Variants in LRCH2 observed in about 807,000 individuals in gnomAD.
The protein encoded by LRCH2 is leucine rich repeats and calponin homology domain containing 2.
A neutral mutation model predicts 68.9 loss-of-function variants in LRCH2; 38 were observed. The ratio of observed to expected loss-of-function variants is 0.55; its 90% CI spans 0.43 to 0.72. The LOEUF is 0.72. Ranked by LOEUF, LRCH2 falls within the 30% of genes least tolerant of loss-of-function variation. The probability of loss-of-function intolerance (pLI) is 0.00; values close to 1 mark genes in which losing one functional copy is unlikely to be tolerated. For synonymous variants in LRCH2, 191 were observed against 208.1 expected (o/e 0.92, Z 0.71); for missense variants, 528 against 572.9 (o/e 0.92, Z 0.80).
intron 1 of LRCH2, among the ~76,000 whole-genome samples, chrX:115,216,352 G>A (rs370324036): frequency 2.7e-5 from 3 of 112,189 alleles, no homozygotes; most frequent in South Asian, 3.7e-4. Context: ...GTTTATTCAA[G>A]GTTGCTGGAA....
intron 12 of LRCH2, among the ~76,000 whole-genome samples, chrX:115,151,484 T>A (rs1374057954): frequency 9.1e-6 from 1 of 109,937 alleles, no homozygotes; most frequent in Non-Finnish European, 1.9e-5. Context: ...AAATGAAAAA[T>A]TAAAAGATTT....
intron 5 of LRCH2, among the ~76,000 whole-genome samples, chrX:115,177,386 A>G (rs782203512): frequency 1.8e-5 from 2 of 111,309 alleles, no homozygotes; most frequent in East Asian, 5.7e-4. Context: ...GTATATAGAT[A>G]GGTCTCTTCT....
At chrX:115,210,546 C>A (rs897986555) in intron 1 of LRCH2, among the ~76,000 whole-genome samples, 2 of 112,225 alleles carry the variant, frequency 1.8e-5, no homozygotes, top group Non-Finnish European at 3.8e-5. Context: ...TCATGGACAA[C>A]CTGTGCTAGG....
At chrX:115,224,578 G>A (rs1603105938) in intron 1 of LRCH2, among the ~76,000 whole-genome samples, 1 of 108,939 alleles carries the variant, frequency 9.2e-6, no homozygotes, top group Non-Finnish European at 1.9e-5. Flanking sequence ...CAGCTACTCG[G>A]GAGGCTGAGG....
Position 115,111,006 on chromosome X carries a change from A to T in LRCH2, c.*2210T>A, listed in dbSNP as rs1199420429. 2.7e-5 allele frequency: 3 copies of T among 112,047 alleles called. No homozygotes were observed. Among genetic ancestry groups the T allele is most frequent in the African/African-American group, 9.7e-5 (3 of 30,858 alleles). The allele number at this position is 112,047 out of a possible 1,213,427, so 9.2% of individuals were successfully genotyped here. Reference sequence around the variant, plus strand: ...ATCATTCTTAATTCAATAACTGATGAAATAGATAATAGCCATAAAAACATT... The same window carrying T: ...ATCATTCTTAATTCAATAACTGATGTAATAGATAATAGCCATAAAAACATT... On this transcript the variant is annotated 3_prime_UTR_variant, in exon 21 of 21. Coordinates refer to ENST00000317135, the MANE Select transcript of LRCH2 (RefSeq NM_020871.4).
chrX:115,174,749 G>A (rs944905016), intron 5 of LRCH2, among the ~76,000 whole-genome samples: 20 of 110,835 alleles, frequency 1.8e-4, no homozygotes, highest in African/African-American at 6.6e-4. Context: ...CATTTCCTTC[G>A]GATATTGTAA....
At chrX:115,194,300 A>G (rs782522624) in intron 1 of LRCH2, among the ~76,000 whole-genome samples, 1 of 112,067 alleles carries the variant, frequency 8.9e-6, no homozygotes, top group African/African-American at 3.2e-5. Context: ...TAGAATTACT[A>G]GAAACCAAAA....
At chrX:115,206,164 G>A (rs1556567972) in intron 1 of LRCH2, among the ~76,000 whole-genome samples, 1 of 111,845 alleles carries the variant, frequency 8.9e-6, no homozygotes. Context: ...AGCTCCCTCA[G>A]GGAATTTAAT....
chrX:115,178,501 G>A (rs2072667568), intron 5 of LRCH2, among the ~76,000 whole-genome samples: 1 of 111,089 alleles, frequency 9.0e-6, no homozygotes. Context: ...AAACCATCAT[G>A]TTTTCAGTAC....
intron 12 of LRCH2, among the ~76,000 whole-genome samples, chrX:115,154,227 A>G (rs1556538993): frequency 8.9e-6 from 1 of 111,846 alleles, no homozygotes; most frequent in Non-Finnish European, 1.9e-5. Context: ...ACATTTATAT[A>G]TCTAATAATA....
Position 115,234,001 on chromosome X carries a change from CCGCCCCCACTGT to C in LRCH2, c.29_40del (p.Asn10_Gly14delinsSer). 1 of 1,167,071 alleles carries C rather than the reference CCGCCCCCACTGT, an allele frequency of 8.6e-7. No homozygotes were observed. The highest frequency in any genetic ancestry group is 1.1e-6 in the Non-Finnish European group (1 of 872,859). ...GCTACTTCCACCTCCACCACAACCG[CCGCCCCCACTGT>C]TACCGCCTCCTCCCTGACTCGCCGC... On this transcript the variant is annotated inframe_deletion, in exon 1 of 21. Coordinates refer to ENST00000317135, the MANE Select transcript of LRCH2 (RefSeq NM_020871.4).
At chrX:115,199,104 A>T (rs901935549) in intron 1 of LRCH2, among the ~76,000 whole-genome samples, 1 of 112,186 alleles carries the variant, frequency 8.9e-6, no homozygotes, top group Non-Finnish European at 1.9e-5. Flanking sequence ...AGTAAAAGCG[A>T]TATTCATCAT....
intron 20 of LRCH2, among the ~76,000 whole-genome samples, chrX:115,114,354 A>G (rs1268150346): frequency 2.7e-5 from 3 of 111,190 alleles, no homozygotes; most frequent in Non-Finnish European, 5.7e-5. Flanking sequence ...TTGCTTATTT[A>G]TTCAAATAAC....
Position 115,149,905 on chromosome X carries a change from C to T in LRCH2, c.1617G>A (p.Pro539=), listed in dbSNP as rs1556537794. 8.3e-6 allele frequency: 10 copies of T among 1,204,264 alleles called. No individual in the cohort carries two copies. Among genetic ancestry groups the T allele is most frequent in the Middle Eastern group, 2.3e-4 (1 of 4,316 alleles). ...AGATTATAGGGTGAGATTCTGGCCA[C>T]GGTTGTTCATCTATTTGATCCTTCT... The part of the protein sequence containing the change: ...ENQKDQIDEQ[P]WPESHPIIWQ... The change falls in exon 14 of 21, where the codon CCG becomes CCA. Residue 539 remains proline (P), a synonymous_variant. Transcript: ENST00000317135.
rs782635609 is a variant in LRCH2 at position 115,190,181 on chromosome X, G to A, written c.350-1811C>T. Reference sequence around the variant, plus strand: ...GTCCGGGAGCCACTGCCCCCGTGCCGCGACCCTGGGGATTTTGTCCCTGCG... The same window carrying A: ...GTCCGGGAGCCACTGCCCCCGTGCCACGACCCTGGGGATTTTGTCCCTGCG... On this transcript the variant is annotated intron_variant, in intron 1 of 20. Transcript: ENST00000317135. The A allele has an allele frequency of 1.0e-4, 116 of 1,165,175 alleles. 1 individual carries two copies. In the East Asian group the frequency reaches 2.6e-3, roughly 27 times the overall value.
chrX:115,178,110 G>A (rs141653766), intron 5 of LRCH2, among the ~76,000 whole-genome samples: 229 of 111,005 alleles, frequency 2.1e-3, no homozygotes, highest in Non-Finnish European at 1.8e-3. Context: ...TTCTGCTGAG[G>A]CAAGAAGTGA....
intron 1 of LRCH2, among the ~76,000 whole-genome samples, chrX:115,214,029 T>A (rs1234950746): frequency 8.9e-6 from 1 of 112,019 alleles, no homozygotes; most frequent in Non-Finnish European, 1.9e-5. Flanking sequence ...ATAAAAAATA[T>A]ATAGCAGAAA....
chrX:115,181,287 T>G (rs146831018), intron 3 of LRCH2, among the ~76,000 whole-genome samples: 1,204 of 111,953 alleles, frequency 0.011, 20 homozygotes, highest in African/African-American at 0.037. Flanking sequence ...CTTTTGAACA[T>G]GGGATTGACA....
intron 14 of LRCH2, among the ~76,000 whole-genome samples, chrX:115,148,309 G>A (rs1346341118): frequency 1.8e-5 from 2 of 111,643 alleles, no homozygotes; most frequent in African/African-American, 6.5e-5. Context: ...AGGTTGTTAT[G>A]AGGATTAAAT....
Sources: gnomAD v4.1 joint callset for allele counts (sites outside exome capture counted in the v4.1 genomes callset) on GRCh38, gnomAD v4.1.1 for gene constraint, MANE v1.5 for transcripts, NCBI Gene and HGNC (gene_info 2026-07-23, HGNC 2026-07-21) for gene names.